ARID3A: variants seen among roughly 807,000 people sequenced by gnomAD.
The protein encoded by ARID3A is AT-rich interaction domain 3A.
In ARID3A, 11 loss-of-function variants were observed where a neutral mutation model predicts 52.7. The ratio of observed to expected loss-of-function variants is 0.21; its 90% CI spans 0.13 to 0.35. The LOEUF is 0.35. Ranked by LOEUF, ARID3A falls within the 10% of genes least tolerant of loss-of-function variation. The pLI, the probability that ARID3A is intolerant of heterozygous loss-of-function variation, is 1.00. For synonymous variants in ARID3A, 404 were observed against 359.4 expected (o/e 1.12, Z -1.40); for missense variants, 721 against 838.5 (o/e 0.86, Z 1.73).
chr19:947,719 T>C lies in ARID3A; in HGVS notation c.694-12373T>C, dbSNP rs913594507. Among the ~76,000 whole-genome samples the C allele has an allele frequency of 2.0e-5, 3 of 152,194 alleles. No homozygotes were observed. Among genetic ancestry groups the C allele is most frequent in the African/African-American group, 7.2e-5 (3 of 41,448 alleles). ...CGCCAGCTTCCCGGGCCGCGCTTCA[T>C]TGTCATTTCTGGAGAGTGTTATTAA... On this transcript the variant is annotated intron_variant, in intron 3 of 8. Coordinates refer to ENST00000263620, the MANE Select transcript of ARID3A (RefSeq NM_005224.3). This position sits in a 1 kb window ranked among gnomAD's most constrained non-coding sequence, Gnocchi z 6.3.
At position 965,262 on chromosome 19, in the gene ARID3A, A is replaced by G. The variant is rs184485511; in HGVS notation, c.1198+182A>G. The stretch of plus-strand genomic sequence containing the variant: ...TGGCAGACATTACCAATCCATCACC[A>G]TTTTCTAATTCCACACAGGTGGCAG... On this transcript the variant is annotated intron_variant, in intron 6 of 8. Coordinates refer to ENST00000263620, the MANE Select transcript of ARID3A (RefSeq NM_005224.3). 5.9e-4 allele frequency: 401 copies of G among 680,956 alleles called. 1 individual carries two copies. The African/African-American group carries it at 6.7e-3, about 11-fold the overall frequency. 42.2% of individuals were successfully genotyped at this position (680,956 alleles called of 1,614,324 possible).
chr19:951,697 G>A (rs959976016), intron 3 of ARID3A, among the ~76,000 whole-genome samples: 1 of 152,234 alleles, frequency 6.6e-6, no homozygotes, highest in African/African-American at 2.4e-5. Context: ...GGAGGCTCAG[G>A]CTGCTGCCCG....
chr19:934,373 G>A (rs350153), intron 3 of ARID3A, among the ~76,000 whole-genome samples: 20,585 of 152,234 alleles, frequency 0.14, 1,592 homozygotes, highest in Non-Finnish European at 0.17. Context: ...GGGGCCAGGC[G>A]CCCTGACCCC....
At position 972,141 on chromosome 19, in the gene ARID3A, G is replaced by C. The variant is rs1340090330; in HGVS notation, c.*76G>C. On this transcript the variant is annotated 3_prime_UTR_variant, in exon 9 of 9. Transcript: ENST00000263620. ...GGGGGTCCAGGTGGGCCACACAGGG[G>C]CCAGGATGGCGGAAGATACGGGTGG... is the stretch of plus-strand genomic sequence containing the variant. 3.6e-6 allele frequency: 5 copies of C among 1,375,666 alleles called. No homozygotes were observed. The highest frequency in any genetic ancestry group is 1.5e-5 in the African/African-American group (1 of 64,546). 85.2% of individuals were successfully genotyped at this position (1,375,666 alleles called of 1,614,324 possible).
intron 3 of ARID3A, among the ~76,000 whole-genome samples, chr19:940,019 C>T (rs1307191736): frequency 6.6e-6 from 1 of 152,096 alleles, no homozygotes; most frequent in Non-Finnish European, 1.5e-5. Flanking sequence ...CGCTGCTGGG[C>T]TTCCCCACAT....
chr19:942,089 C>G lies in ARID3A; in HGVS notation c.693+9347C>G, dbSNP rs2037568548. Among the ~76,000 whole-genome samples the G allele has an allele frequency of 6.6e-6, 1 of 152,190 alleles. No homozygotes were observed. The highest frequency in any genetic ancestry group is 2.1e-4 in the South Asian group (1 of 4,834). On this transcript the variant is annotated intron_variant, in intron 3 of 8. Transcript: ENST00000263620. The surrounding 1 kb of genome is among the most constrained non-coding windows in gnomAD (Gnocchi z 8.1). The stretch of plus-strand genomic sequence containing the variant: ...GGGCACAGATCAGCGCCTCCCCTGC[C>G]CGCCATGGGCTCTGGAGCCAGCCTA...
At chr19:954,451 C>T (rs946105623) in intron 3 of ARID3A, among the ~76,000 whole-genome samples, 3 of 152,248 alleles carry the variant, frequency 2.0e-5, no homozygotes, top group Non-Finnish European at 2.9e-5. Flanking sequence ...TGGCATCGCA[C>T]TGAGAAAGCA....
rs557412493 is a variant in ARID3A, at chr19:942,981, C to T, written c.693+10239C>T. 2.0e-5 allele frequency among the ~76,000 whole-genome samples: 3 copies of T among 152,250 alleles called. No individual in the cohort carries two copies. The highest frequency in any genetic ancestry group is 1.9e-4 in the East Asian group (1 of 5,184). ...CGGTGGCCCCAAATCCCATGCCGGT[C>T]GGTTGTCCTCTAAGGGGGAGGTCAC... is the stretch of plus-strand genomic sequence containing the variant. On this transcript the variant is annotated intron_variant, in intron 3 of 8. Transcript: ENST00000263620. The surrounding 1 kb of genome is among the most constrained non-coding windows in gnomAD (Gnocchi z 8.1).
At position 960,883 on chromosome 19, in the gene ARID3A, A is replaced by G. The variant is rs1461857693; in HGVS notation, c.766+719A>G. Among the ~76,000 whole-genome samples, 1 of 152,186 alleles carries G rather than the reference A, an allele frequency of 6.6e-6. No individual in the cohort carries two copies. Among genetic ancestry groups the G allele is most frequent in the African/African-American group, 2.4e-5 (1 of 41,438 alleles). On this transcript the variant is annotated intron_variant, in intron 4 of 8. Transcript: ENST00000263620. This position sits in a 1 kb window ranked among gnomAD's most constrained non-coding sequence, Gnocchi z 4.3. ...GGCTGGTGTCCAGGTGGGGAAACTG[A>G]GGTCCAGACACAAGACAGACTCAGA...
intron 3 of ARID3A, among the ~76,000 whole-genome samples, chr19:936,936 G>T (rs2037450575): frequency 6.6e-6 from 1 of 151,994 alleles, no homozygotes; most frequent in Non-Finnish European, 1.5e-5. Flanking sequence ...ATCCCCTCCT[G>T]CCTCTGTGGA....
At chr19:932,880 T>C in intron 3 of ARID3A, 138 bp downstream of exon 3, 3 of 1,470,572 alleles carry the variant, frequency 2.0e-6, no homozygotes, top group Non-Finnish European at 1.8e-6. Context: ...GTAGCTGTGC[T>C]TCCTGTGCTT....
At chr19:948,095 C>T (rs569645257) in intron 3 of ARID3A, among the ~76,000 whole-genome samples, 12 of 152,186 alleles carry the variant, frequency 7.9e-5, no homozygotes, top group East Asian at 1.9e-4. Flanking sequence ...TGCCCTCCCC[C>T]GACCCATCAG....
rs201423794 is a variant in ARID3A at position 965,106 on chromosome 19, C to T, written c.1198+26C>T. 20 of 1,575,192 alleles carry T rather than the reference C, an allele frequency of 1.3e-5. No homozygotes were observed. The East Asian group carries it at 2.9e-4, about 23-fold the overall frequency. On this transcript the variant is annotated intron_variant, in intron 6 of 8. Transcript: ENST00000263620. Reference sequence around the variant, plus strand: ...GTAAGGGCCTGTATGGGGCCTGGGGCGTGTTCCCAACTGAGCTTCAGCCTG... The same window carrying T: ...GTAAGGGCCTGTATGGGGCCTGGGGTGTGTTCCCAACTGAGCTTCAGCCTG...
intron 3 of ARID3A, among the ~76,000 whole-genome samples, chr19:951,500 A>G (rs1022289740): frequency 2.6e-5 from 4 of 151,926 alleles, no homozygotes; most frequent in African/African-American, 9.7e-5. Context: ...GCAGTGAGCT[A>G]TGACTGCATC....
intron 8 of ARID3A, among the ~76,000 whole-genome samples, chr19:970,355 G>A (rs1285422581): frequency 6.6e-6 from 1 of 151,984 alleles, no homozygotes; most frequent in Non-Finnish European, 1.5e-5. Flanking sequence ...AATTAAAAAA[G>A]TGGAGTCAGT....
chr19:957,835 C>A (rs959902623), intron 3 of ARID3A, among the ~76,000 whole-genome samples: 13 of 151,886 alleles, frequency 8.6e-5, no homozygotes, highest in African/African-American at 3.1e-4. Flanking sequence ...CAGAGTGAGA[C>A]CCTGTCTCCA....
chr19:946,546 T>G (rs1035383532), intron 3 of ARID3A, among the ~76,000 whole-genome samples: 1 of 148,728 alleles, frequency 6.7e-6, no homozygotes, highest in Admixed American at 6.8e-5. Context: ...GTTCACGCCA[T>G]TTTCCTGCCT....
chr19:934,602 G>T (rs942888830), intron 3 of ARID3A, among the ~76,000 whole-genome samples: 10 of 152,182 alleles, frequency 6.6e-5, no homozygotes, highest in African/African-American at 2.4e-4. Flanking sequence ...CTGCCCCCTG[G>T]GTGTACCGGG....
At position 966,873 on chromosome 19, in the gene ARID3A, TGCCCTCGTGCCCA is replaced by T. The variant is rs2038168950; in HGVS notation, c.1495+7_1495+19del. 1 of 1,597,270 alleles carries T rather than the reference TGCCCTCGTGCCCA, an allele frequency of 6.3e-7. No homozygotes were observed. The highest frequency in any genetic ancestry group is 1.3e-5 in the African/African-American group (1 of 74,692). On this transcript the variant is annotated splice_donor_region_variant and intron_variant, in intron 7 of 8. Coordinates refer to ENST00000263620, the MANE Select transcript of ARID3A (RefSeq NM_005224.3). ...GCATTCGGATCAACAGCCAAGGTAC[TGCCCTCGTGCCCA>T]GACCCGCTGTGCTTCCTGCGTGTGT...
Sources: gnomAD v4.1 joint callset for allele counts (sites outside exome capture counted in the v4.1 genomes callset) on GRCh38, gnomAD v4.1.1 for gene constraint, Gnocchi (gnomAD v3.1) non-coding constraint, MANE v1.5 for transcripts, NCBI Gene and HGNC (gene_info 2026-07-23, HGNC 2026-07-21) for gene names.